Variants in ZC3H12B observed in about 807,000 individuals in gnomAD.
The protein encoded by ZC3H12B is probable ribonuclease ZC3H12B.
In ZC3H12B, 7 loss-of-function variants were observed where a neutral mutation model predicts 43.9. That is an observed-to-expected ratio of 0.16 (90% CI 0.09 to 0.30). The LOEUF is 0.30. Among genes scored for constraint, ZC3H12B ranks in the 10% least tolerant of loss-of-function variants. ZC3H12B has a pLI of 1.00. For synonymous variants in ZC3H12B, 222 were observed against 241.7 expected, an observed-to-expected ratio of 0.92 and a Z score of 0.76; for missense variants, 475 against 670.2, an observed-to-expected ratio of 0.71 and a Z score of 3.22.
intron 2 of ZC3H12B, among the ~76,000 whole-genome samples, chrX:65,384,228 A>T (rs2066488364): frequency 9.7e-6 from 1 of 103,100 alleles, no homozygotes; most frequent in African/African-American, 3.5e-5. Context: ...AGGGACATGG[A>T]TGAAATTGGA....
chrX:65,417,383 T>C (rs1019965015), intron 3 of ZC3H12B, among the ~76,000 whole-genome samples: 1 of 112,849 alleles, frequency 8.9e-6, no homozygotes, highest in Non-Finnish European at 1.9e-5. Flanking sequence ...TGTTTATTTA[T>C]ACTTTTACAT....
At chrX:65,339,861 G>T in the ZC3H12B span, among the ~76,000 whole-genome samples, 18 of 111,820 alleles carry the variant, frequency 1.6e-4, no homozygotes, top group Non-Finnish European at 1.1e-4. Context: ...CAGGCCCACG[G>T]CCACCCCCTG....
chrX:65,055,092 G>A, the ZC3H12B span, among the ~76,000 whole-genome samples: 4 of 111,107 alleles, frequency 3.6e-5, no homozygotes, highest in Non-Finnish European at 7.5e-5. Context: ...TCTCCTGCCT[G>A]ATTGCGCTGG....
At chrX:65,055,915 T>A in the ZC3H12B span, among the ~76,000 whole-genome samples, 1 of 112,199 alleles carries the variant, frequency 8.9e-6, no homozygotes, top group Non-Finnish European at 1.9e-5. Flanking sequence ...TTTGTATTTC[T>A]GTGGGATCAG....
rs2066657512 is a variant in ZC3H12B at position 65,393,664 on chromosome X, G to A, written n.296-4929G>A. ...TACAACATATGCAATAAACACATGTGTACATGTGTCTTGATAGTAGAATGA... is the reference window on the plus strand; with the variant it reads ...TACAACATATGCAATAAACACATGTATACATGTGTCTTGATAGTAGAATGA... On this transcript the variant is annotated intron_variant and non_coding_transcript_variant, in intron 2 of 5. Coordinates refer to the ZC3H12B transcript ENST00000617377. 2.7e-5 allele frequency among the ~76,000 whole-genome samples: 3 copies of A among 112,015 alleles called. No homozygotes were observed. The South Asian group carries it at 1.1e-3, about 42-fold the overall frequency.
the ZC3H12B span, among the ~76,000 whole-genome samples, chrX:65,170,111 G>T: frequency 8.9e-6 from 1 of 111,934 alleles, no homozygotes; most frequent in South Asian, 3.7e-4. Context: ...GTTAGTTGCT[G>T]CAGTTTCTTC....
chrX:65,389,329 G>A (rs2066578123), intron 2 of ZC3H12B, among the ~76,000 whole-genome samples: 1 of 112,054 alleles, frequency 8.9e-6, no homozygotes, highest in South Asian at 3.7e-4. Flanking sequence ...TCAAGCCTCG[G>A]CAATGGCAGG....
At chrX:65,125,922 C>T in the ZC3H12B span, among the ~76,000 whole-genome samples, 7 of 110,851 alleles carry the variant, frequency 6.3e-5, no homozygotes, top group Admixed American at 1.9e-4. Context: ...GTTATCTGTT[C>T]CTCCATTCTA....
In ZC3H12B at chrX:65,397,275, T is replaced by A. The variant is rs754635730; in HGVS notation, n.296-1318T>A. ...CTGATTATTTTGCACATTAGTTGATTCAGTTTCTTCATGGTGTCACTGGTC... is the reference window on the plus strand; with the variant it reads ...CTGATTATTTTGCACATTAGTTGATACAGTTTCTTCATGGTGTCACTGGTC... On this transcript the variant is annotated intron_variant and non_coding_transcript_variant, in intron 2 of 5. Transcript: ENST00000617377. Among the ~76,000 whole-genome samples, 13 of 111,872 alleles carry A rather than the reference T, an allele frequency of 1.2e-4. No individual in the cohort carries two copies. In the South Asian group the frequency reaches 4.5e-3, roughly 38 times the overall value.
intron 3 of ZC3H12B, among the ~76,000 whole-genome samples, chrX:65,458,084 TTAAAA>T (rs1203513500): frequency 1.4e-4 from 7 of 48,976 alleles, no homozygotes; most frequent in African/African-American, 8.4e-4. Context: ...AAAAAAAAAA[TTAAAA>T]AAAAAAAAAA....
chrX:65,226,836 C>T, the ZC3H12B span, among the ~76,000 whole-genome samples: 1 of 111,685 alleles, frequency 9.0e-6, no homozygotes. Flanking sequence ...AGCTAACTAT[C>T]CTAAATATAT....
chrX:65,400,076 C>CA (rs1370987982), intron 3 of ZC3H12B, among the ~76,000 whole-genome samples: 2 of 109,744 alleles, frequency 1.8e-5, no homozygotes, highest in East Asian at 5.7e-4. Flanking sequence ...TTAGCGGGTA[C>CA]AAAAAAATAG....
At chrX:65,354,698 G>A in the ZC3H12B span, among the ~76,000 whole-genome samples, 1 of 111,720 alleles carries the variant, frequency 9.0e-6, no homozygotes, top group African/African-American at 3.3e-5. Flanking sequence ...CCAATTCAAG[G>A]AAGCTAAGAA....
the ZC3H12B span, among the ~76,000 whole-genome samples, chrX:65,320,625 T>A: frequency 1.8e-5 from 2 of 112,278 alleles, no homozygotes; most frequent in Non-Finnish European, 3.8e-5. Context: ...GCTGGAAGCA[T>A]CATGCTACCT....
chrX:65,132,832 C>T, the ZC3H12B span, among the ~76,000 whole-genome samples: 1,092 of 111,072 alleles, frequency 9.8e-3, 13 homozygotes, highest in African/African-American at 0.034. Flanking sequence ...TTACCCTCCA[C>T]TGTAAGAGTT....
At chrX:65,214,395 G>A in the ZC3H12B span, among the ~76,000 whole-genome samples, 1 of 111,648 alleles carries the variant, frequency 9.0e-6, no homozygotes, top group Admixed American at 9.6e-5. Context: ...TATGAACTGA[G>A]TTTCTGTTGT....
At chrX:65,211,316 C>T in the ZC3H12B span, among the ~76,000 whole-genome samples, 1 of 108,709 alleles carries the variant, frequency 9.2e-6, no homozygotes, top group East Asian at 2.9e-4. Flanking sequence ...TAACCAAAAA[C>T]CACCTGTTTT....
chrX:65,089,270 T>C, the ZC3H12B span, among the ~76,000 whole-genome samples: 1 of 112,052 alleles, frequency 8.9e-6, no homozygotes, highest in Non-Finnish European at 1.9e-5. Context: ...ACACCTAGAC[T>C]ATATGGTATA....
At chrX:65,458,693 G>C (rs1470918182) in intron 3 of ZC3H12B, among the ~76,000 whole-genome samples, 2 of 111,891 alleles carry the variant, frequency 1.8e-5, no homozygotes, top group Non-Finnish European at 3.8e-5. Flanking sequence ...CAGAATCTCT[G>C]GGACACATTC....
Sources: gnomAD v4.1 joint callset for allele counts (sites outside exome capture counted in the v4.1 genomes callset) on GRCh38, gnomAD v4.1.1 for gene constraint, MANE v1.5 for transcripts, NCBI Gene and HGNC (gene_info 2026-07-23, HGNC 2026-07-21) for gene names.